Variants in THSD7B observed in about 807,000 individuals in gnomAD.
THSD7B encodes thrombospondin type 1 domain containing 7B.
In THSD7B, 138 loss-of-function variants were observed where a neutral mutation model predicts 213.6. The observed-to-expected ratio is 0.65, with a 90% CI of 0.56 to 0.74. The LOEUF is 0.74. Ranked by LOEUF, THSD7B falls within the 30% of genes least tolerant of loss-of-function variation. The pLI is 0.00. For synonymous variants in THSD7B, 742 were observed against 687.0 expected (o/e 1.08, Z -1.25); for missense variants, 1,931 against 1,991.5 (o/e 0.97, Z 0.58).
rs767991158 is a variant in THSD7B at position 137,056,462 on chromosome 2, T to C, written c.182T>C (p.Val61Ala). 6.2e-7 allele frequency: 1 copy of C among 1,613,816 alleles called. No homozygotes were observed. The highest frequency in any genetic ancestry group is 1.1e-5 in the South Asian group (1 of 91,068). Reference protein sequence around the residue: ...RCTGDCGPGGVQSRAVWCFHV... With the variant: ...RCTGDCGPGGAQSRAVWCFHV... ...ACAGGAGACTGTGGTCCCGGAGGAGTCCAGAGTCGGGCAGTGTGGTGTTTT... is the reference window on the plus strand; with the variant it reads ...ACAGGAGACTGTGGTCCCGGAGGAGCCCAGAGTCGGGCAGTGTGGTGTTTT... The change falls in exon 3 of 28, where the codon GTC (valine) becomes GCC (alanine). Residue 61 changes from valine (V) to alanine (A), a missense_variant. Transcript: ENST00000409968.
intron 14 of THSD7B, among the ~76,000 whole-genome samples, chr2:137,442,459 G>A (rs892763396): frequency 2.6e-5 from 4 of 151,952 alleles, no homozygotes; most frequent in African/African-American, 7.3e-5. Flanking sequence ...TCAAAGTCTC[G>A]GTGGTTGAAA....
chr2:136,878,143 T>A (rs1683555111), intron 1 of THSD7B, among the ~76,000 whole-genome samples: 1 of 152,174 alleles, frequency 6.6e-6, no homozygotes, highest in Admixed American at 6.5e-5. Context: ...ATTGTTCAAT[T>A]CCCACCTATG....
intron 20 of THSD7B, among the ~76,000 whole-genome samples, chr2:137,631,949 G>A (rs1682749404): frequency 6.6e-6 from 1 of 152,120 alleles, no homozygotes; most frequent in Non-Finnish European, 1.5e-5. Flanking sequence ...TATAATTACT[G>A]ATGCTAGGAG....
intron 2 of THSD7B, among the ~76,000 whole-genome samples, chr2:136,985,995 G>A (rs1355603912): frequency 2.0e-5 from 3 of 152,202 alleles, no homozygotes; most frequent in African/African-American, 7.2e-5. Context: ...TGTGGGTCTT[G>A]TAGCCCCTTT....
chr2:137,001,836 T>A (rs1686005374), intron 2 of THSD7B, among the ~76,000 whole-genome samples: 1 of 152,232 alleles, frequency 6.6e-6, no homozygotes, highest in Non-Finnish European at 1.5e-5. Context: ...GCTGTTTTTC[T>A]ACTTTTCTGA....
At chr2:136,820,464 A>T (rs780625921) in intron 1 of THSD7B, among the ~76,000 whole-genome samples, 1 of 152,252 alleles carries the variant, frequency 6.6e-6, no homozygotes, top group Non-Finnish European at 1.5e-5. Flanking sequence ...GCAAGGAAAC[A>T]TGAGAATACA....
chr2:137,648,809 G>A (rs1683085530), intron 21 of THSD7B, among the ~76,000 whole-genome samples: 3 of 151,850 alleles, frequency 2.0e-5, no homozygotes, highest in South Asian at 2.1e-4. Flanking sequence ...TCTGTATATG[G>A]TACTTCCATT....
chr2:137,513,712 G>A (rs1187436792), intron 15 of THSD7B, among the ~76,000 whole-genome samples: 2 of 152,102 alleles, frequency 1.3e-5, no homozygotes, highest in Non-Finnish European at 2.9e-5. Context: ...CTGAGGTAGA[G>A]CTAGAGCTAG....
At chr2:137,314,172 A>G (rs1573954994) in intron 12 of THSD7B, among the ~76,000 whole-genome samples, 1 of 152,214 alleles carries the variant, frequency 6.6e-6, no homozygotes, top group Non-Finnish European at 1.5e-5. Context: ...GTCTTTTCAT[A>G]TAGTCCCATA....
chr2:137,115,455 A>T (rs1195815337), intron 5 of THSD7B, among the ~76,000 whole-genome samples, 162 bp downstream of exon 5: 1 of 152,172 alleles, frequency 6.6e-6, no homozygotes, highest in Non-Finnish European at 1.5e-5. Context: ...TTCCACTTGT[A>T]ACACTTGGGA....
intron 3 of THSD7B, among the ~76,000 whole-genome samples, chr2:137,079,119 G>A (rs1687690730): frequency 6.6e-6 from 1 of 151,996 alleles, no homozygotes; most frequent in Non-Finnish European, 1.5e-5. Context: ...AAGAGTTTGA[G>A]ACCAGCCTGG....
chr2:137,568,210 G>A (rs1208598367), intron 16 of THSD7B, among the ~76,000 whole-genome samples: 1 of 152,062 alleles, frequency 6.6e-6, no homozygotes, highest in South Asian at 2.1e-4. Flanking sequence ...GGGGAGGCGG[G>A]AGGAGAGGAG....
intron 21 of THSD7B, among the ~76,000 whole-genome samples, chr2:137,650,668 G>A (rs1036905133): frequency 4.6e-5 from 7 of 152,156 alleles, no homozygotes; most frequent in Non-Finnish European, 8.8e-5. Context: ...CCAGATCTTA[G>A]AGCAAACGCT....
At chr2:137,490,478 G>A (rs1448913) in intron 15 of THSD7B, among the ~76,000 whole-genome samples, 104,204 of 151,842 alleles carry the variant, frequency 0.69, 37,413 homozygotes, top group Non-Finnish European at 0.8. Flanking sequence ...GCAGTTTTAG[G>A]TTCACAGCAA....
chr2:137,675,099 A>T (rs1433369573), intron 27 of THSD7B, among the ~76,000 whole-genome samples: 1 of 152,060 alleles, frequency 6.6e-6, no homozygotes, highest in Non-Finnish European at 1.5e-5. Context: ...CAGATACAGC[A>T]TGATTCCATT....
At chr2:137,073,008 G>A (rs1402636665) in intron 3 of THSD7B, among the ~76,000 whole-genome samples, 1 of 151,282 alleles carries the variant, frequency 6.6e-6, no homozygotes, top group East Asian at 1.9e-4. Flanking sequence ...CAGTTTGCCA[G>A]TATTTTATTG....
chr2:136,861,648 A>G (rs1371931640), intron 1 of THSD7B, among the ~76,000 whole-genome samples: 1 of 152,224 alleles, frequency 6.6e-6, no homozygotes, highest in East Asian at 1.9e-4. Flanking sequence ...AGTTGCTGTT[A>G]CTGACTCTCC....
chr2:136,851,717 T>C (rs1274180448), intron 1 of THSD7B, among the ~76,000 whole-genome samples: 1 of 152,226 alleles, frequency 6.6e-6, no homozygotes, highest in East Asian at 1.9e-4. Flanking sequence ...CAAATAGAAA[T>C]ACTTGAAGTC....
chr2:137,397,385 G>A (rs1686220997), intron 12 of THSD7B, among the ~76,000 whole-genome samples: 1 of 152,052 alleles, frequency 6.6e-6, no homozygotes, highest in South Asian at 2.1e-4. Flanking sequence ...CTCAGCATTT[G>A]CTTGTCTGTA....
Sources: gnomAD v4.1 joint callset for allele counts (sites outside exome capture counted in the v4.1 genomes callset) on GRCh38, gnomAD v4.1.1 for gene constraint, MANE v1.5 for transcripts, NCBI Gene and HGNC (gene_info 2026-07-23, HGNC 2026-07-21) for gene names.